The following TSPAN5 variants were observed in gnomAD, a reference collection of about 807,000 sequenced individuals.
The protein encoded by TSPAN5 is tetraspanin-5.
A neutral mutation model predicts 37.1 loss-of-function variants in TSPAN5; 10 were observed. The observed-to-expected ratio is 0.27, with a 90% confidence interval of 0.17 to 0.46. The LOEUF (loss-of-function observed/expected upper bound fraction) is 0.46. Ranked by LOEUF, TSPAN5 falls within the 20% of genes least tolerant of loss-of-function variation. The pLI, the probability that TSPAN5 is intolerant of heterozygous loss-of-function variation, is 1.00. For synonymous variants in TSPAN5, 110 were observed against 118.9 expected (o/e 0.93, Z 0.48); for missense variants, 195 against 326.6 (o/e 0.60, Z 3.11).
At chr4:98,649,641 T>G (rs372749403) in intron 1 of TSPAN5, among the ~76,000 whole-genome samples, 2 of 152,210 alleles carry the variant, frequency 1.3e-5, no homozygotes, top group South Asian at 4.1e-4. Flanking sequence ...ATAACAACTT[T>G]GCAGAAAATT....
At chr4:98,486,546 GTGT>G in intron 3 of TSPAN5, 189 bp downstream of exon 3, 1 of 591,738 alleles carries the variant, frequency 1.7e-6, no homozygotes, top group East Asian at 2.9e-5. Flanking sequence ...GGTGGGGGTG[GTGT>G]TGTACTTATT....
chr4:98,510,719 A>T (rs921601641), intron 1 of TSPAN5, among the ~76,000 whole-genome samples: 2 of 152,190 alleles, frequency 1.3e-5, no homozygotes, highest in Admixed American at 6.5e-5. Flanking sequence ...TTTGACTGTG[A>T]CTTTCCAAAC....
At chr4:98,525,338 G>A (rs1305324686) in intron 1 of TSPAN5, among the ~76,000 whole-genome samples, 1 of 152,164 alleles carries the variant, frequency 6.6e-6, no homozygotes, top group Non-Finnish European at 1.5e-5. Context: ...ACGTCTGCAT[G>A]GGTTTTCTTT....
intron 1 of TSPAN5, among the ~76,000 whole-genome samples, chr4:98,614,918 G>T (rs1197702845): frequency 1.3e-5 from 2 of 152,206 alleles, no homozygotes; most frequent in African/African-American, 4.8e-5. Context: ...AACAGCTGCT[G>T]CCATCCTCCC....
At chr4:98,648,858 G>T (rs1411147280) in intron 1 of TSPAN5, among the ~76,000 whole-genome samples, 1 of 152,186 alleles carries the variant, frequency 6.6e-6, no homozygotes, top group Non-Finnish European at 1.5e-5. Context: ...AGGAAGTTTT[G>T]ATTTTTTTCT....
At chr4:98,479,809 G>A (rs995037276) in intron 4 of TSPAN5, among the ~76,000 whole-genome samples, 2 of 152,146 alleles carry the variant, frequency 1.3e-5, no homozygotes, top group African/African-American at 2.4e-5. Context: ...CTGTGTTTCT[G>A]TTTTAAGGCT....
intron 1 of TSPAN5, among the ~76,000 whole-genome samples, chr4:98,540,042 TCA>T (rs35099611): frequency 0.22 from 32,888 of 151,950 alleles, 3,702 homozygotes; most frequent in South Asian, 0.25. Context: ...GAGCCTCAAC[TCA>T]CAGCTTGACT....
intron 1 of TSPAN5, among the ~76,000 whole-genome samples, chr4:98,550,624 T>C (rs551575774): frequency 1.0e-3 from 105 of 101,558 alleles, no homozygotes; most frequent in Middle Eastern, 4.9e-3. Flanking sequence ...TTTTTTTTTT[T>C]CTGGTAGCTA....
rs1175244753 is a variant in TSPAN5 at position 98,591,068 on chromosome 4, TG to T, written c.81+67077del. Reference sequence around the variant, plus strand: ...GCCCTGCCATGCTTTTCCTTTTTTTTGTTTTTTTGTTTTTTTTTTTTAATAA... The same window carrying T: ...GCCCTGCCATGCTTTTCCTTTTTTTTTTTTTTTGTTTTTTTTTTTTAATAA... On this transcript the variant is annotated intron_variant, in intron 1 of 7. Transcript: ENST00000305798. Among the ~76,000 whole-genome samples, 1,363 of 149,636 alleles carry T rather than the reference TG, an allele frequency of 9.1e-3. 35 individuals carry two copies. The highest frequency in any genetic ancestry group is 0.033 in the African/African-American group (1,297 of 39,610).
At chr4:98,549,636 T>C (rs995466048) in intron 1 of TSPAN5, among the ~76,000 whole-genome samples, 2 of 152,142 alleles carry the variant, frequency 1.3e-5, no homozygotes, top group Non-Finnish European at 2.9e-5. Context: ...TGATGATTAG[T>C]GATGTTGAGC....
intron 3 of TSPAN5, chr4:98,483,011 A>G (rs1752881869): frequency 1.3e-5 from 2 of 152,252 alleles, no homozygotes; most frequent in Admixed American, 1.3e-4. Flanking sequence ...TAGAAGACTC[A>G]GAAGAGTCTC....
At chr4:98,602,100 T>C (rs1295894361) in intron 1 of TSPAN5, among the ~76,000 whole-genome samples, 1 of 151,934 alleles carries the variant, frequency 6.6e-6, no homozygotes, top group Non-Finnish European at 1.5e-5. Flanking sequence ...CCATAACAGA[T>C]ATAGTAACAA....
intron 1 of TSPAN5, among the ~76,000 whole-genome samples, chr4:98,654,254 A>G (rs564405852): frequency 6.6e-6 from 1 of 152,318 alleles, no homozygotes; most frequent in East Asian, 1.9e-4. Context: ...AATAATAAAC[A>G]ACTGTGTTTT....
chr4:98,656,898 A>C (rs1191706285), intron 1 of TSPAN5, among the ~76,000 whole-genome samples: 1 of 152,254 alleles, frequency 6.6e-6, no homozygotes, highest in Non-Finnish European at 1.5e-5. Flanking sequence ...ATATACGTAC[A>C]GCAAACAGCC....
At chr4:98,654,920 C>T (rs1757264583) in intron 1 of TSPAN5, among the ~76,000 whole-genome samples, 1 of 152,172 alleles carries the variant, frequency 6.6e-6, no homozygotes, top group African/African-American at 2.4e-5. Flanking sequence ...GATCTTGCCT[C>T]ACTGCAATCT....
intron 1 of TSPAN5, among the ~76,000 whole-genome samples, chr4:98,645,372 C>A (rs1478903513): frequency 6.6e-6 from 1 of 152,068 alleles, no homozygotes; most frequent in Non-Finnish European, 1.5e-5. Context: ...AAATCAGAGT[C>A]AATTTAAAAG....
chr4:98,556,006 C>T (rs1258263469), intron 1 of TSPAN5, among the ~76,000 whole-genome samples: 13 of 148,984 alleles, frequency 8.7e-5, no homozygotes, highest in Admixed American at 2.7e-4. Context: ...CACACACACA[C>T]GTGCACAGCA....
At chr4:98,529,800 GT>G (rs1754041921) in intron 1 of TSPAN5, among the ~76,000 whole-genome samples, 1 of 152,140 alleles carries the variant, frequency 6.6e-6, no homozygotes, top group African/African-American at 2.4e-5. Flanking sequence ...ATCTTGTTTG[GT>G]TGGTTAAGAG....
chr4:98,622,011 C>T (rs986541409), intron 1 of TSPAN5, among the ~76,000 whole-genome samples: 1 of 152,164 alleles, frequency 6.6e-6, no homozygotes, highest in Non-Finnish European at 1.5e-5. Context: ...TTTACCCATT[C>T]ATCAGGGACA....
Sources: allele counts gnomAD v4.1 joint callset (sites outside exome capture counted in the v4.1 genomes callset), GRCh38; gene constraint gnomAD v4.1.1; transcripts MANE v1.5; gene names NCBI Gene and HGNC (gene_info 2026-07-23, HGNC 2026-07-21).